Variants in ITGB5 observed in about 807,000 individuals in gnomAD.
ITGB5 encodes integrin subunit beta 5.
In ITGB5, 38 loss-of-function variants were observed where a neutral mutation model predicts 84.8. The ratio of observed to expected loss-of-function variants is 0.45; its 90% CI spans 0.35 to 0.59. The LOEUF is 0.59. Among genes scored for constraint, ITGB5 ranks in the 20% least tolerant of loss-of-function variants. The pLI is 0.01. For missense variants in ITGB5, 905 were observed against 1,034.5 expected (o/e 0.87, Z 1.72); for synonymous variants, 393 against 414.4 (o/e 0.95, Z 0.63).
rs140680675 is a variant in ITGB5, at chr3:124,829,502, G to A, written c.781-8028C>T. On this transcript the variant is annotated intron_variant, in intron 5 of 14. Transcript: ENST00000296181. ...TGCTTCCACACTCATGCGAGGGAACGACCTCACTTGTTTCGTCACCCACAG... is the reference window on the plus strand; with the variant it reads ...TGCTTCCACACTCATGCGAGGGAACAACCTCACTTGTTTCGTCACCCACAG... Among the ~76,000 whole-genome samples, 332 of 152,248 alleles carry A rather than the reference G, an allele frequency of 2.2e-3. 1 individual carries two copies. The highest frequency in any genetic ancestry group is 3.9e-3 in the Non-Finnish European group (268 of 68,024).
intron 1 of ITGB5, among the ~76,000 whole-genome samples, chr3:124,894,034 T>G (rs1935049903): frequency 6.6e-6 from 1 of 152,108 alleles, no homozygotes; most frequent in Non-Finnish European, 1.5e-5. Context: ...TGAAAATACT[T>G]TTTAATTATA....
intron 2 of ITGB5, among the ~76,000 whole-genome samples, chr3:124,860,201 A>G (rs1321285109): frequency 6.6e-6 from 1 of 152,208 alleles, no homozygotes; most frequent in Non-Finnish European, 1.5e-5. Flanking sequence ...ATTACTTATA[A>G]TATAATCTTT....
intron 14 of ITGB5, 37 bp from the exon 15 acceptor site, chr3:124,763,755 G>A: frequency 8.1e-7 from 1 of 1,241,312 alleles, no homozygotes; most frequent in Non-Finnish European, 1.2e-6. Context: ...GAGGACACAT[G>A]TTAGCTCACA....
At chr3:124,863,837 G>C (rs1448119610) in intron 2 of ITGB5, among the ~76,000 whole-genome samples, 8 of 151,912 alleles carry the variant, frequency 5.3e-5, no homozygotes, top group African/African-American at 1.9e-4. Flanking sequence ...TTTGAACAAG[G>C]ATAGATGCAT....
intron 3 of ITGB5, among the ~76,000 whole-genome samples, chr3:124,852,381 C>T (rs2065169754): frequency 6.6e-6 from 1 of 151,976 alleles, no homozygotes; most frequent in African/African-American, 2.4e-5. Flanking sequence ...AAACTCAAAA[C>T]AGAAGCTGAT....
chr3:124,764,417 C>T lies in ITGB5; in HGVS notation c.2278G>A (p.Glu760Lys), dbSNP rs765257650. The change falls in exon 14 of 15, where the codon GAG (glutamate) becomes AAG (lysine). Residue 760 changes from glutamate to lysine, a missense_variant. Glu to Lys is a moderately conservative substitution (Grantham distance 56). Transcript: ENST00000296181. ...ATTTCATAGCGGGCCCTGGATCGCT[C>T]GCTCTGAAACTTTGCAAACTCCCTC... The part of the protein sequence containing the change: ...DRREFAKFQS[E>K]RSRARYEMAS... 39 of 1,612,666 alleles carry T rather than the reference C, an allele frequency of 2.4e-5. No individual in the cohort carries two copies. Among genetic ancestry groups the T allele is most frequent in the Middle Eastern group, 3.3e-4 (2 of 6,082 alleles).
At chr3:124,825,781 C>T (rs76986274) in intron 5 of ITGB5, among the ~76,000 whole-genome samples, 2,042 of 152,180 alleles carry the variant, frequency 0.013, 33 homozygotes, top group South Asian at 0.045. Context: ...AGACTTTATA[C>T]CTAAAAAGGG....
At chr3:124,763,875 T>C (rs1402733251) in intron 14 of ITGB5, among the ~76,000 whole-genome samples, 157 bp from the exon 15 acceptor site, 1 of 152,148 alleles carries the variant, frequency 6.6e-6, no homozygotes, top group Non-Finnish European at 1.5e-5. Context: ...AGGACAGCTC[T>C]GTGTTCCCCA....
chr3:124,889,628 T>C (rs1184827818), upstream of ITGB5, among the ~76,000 whole-genome samples: 1 of 152,212 alleles, frequency 6.6e-6, no homozygotes, highest in Non-Finnish European at 1.5e-5. Context: ...CCTAAACATT[T>C]TACAGGAGCT....
intron 1 of ITGB5, among the ~76,000 whole-genome samples, chr3:124,899,165 CTT>C (rs1388033791): frequency 6.6e-6 from 1 of 152,090 alleles, no homozygotes; most frequent in African/African-American, 2.4e-5. Flanking sequence ...CTAAGAGATG[CTT>C]TCAAATCTTA....
intron 1 of ITGB5, among the ~76,000 whole-genome samples, chr3:124,879,364 T>C (rs1308295623): frequency 2.6e-5 from 4 of 152,250 alleles, no homozygotes; most frequent in African/African-American, 9.6e-5. Context: ...GAAGCTGAAA[T>C]GGCCTTTCTG....
chr3:124,772,785 C>G (rs2063865266), intron 11 of ITGB5, among the ~76,000 whole-genome samples: 1 of 152,200 alleles, frequency 6.6e-6, no homozygotes, highest in Non-Finnish European at 1.5e-5. Flanking sequence ...TAGACAATCT[C>G]TGCATTCAGC....
intron 4 of ITGB5, among the ~76,000 whole-genome samples, chr3:124,846,425 C>CAA (rs1190656208): frequency 7.7e-4 from 54 of 69,852 alleles, no homozygotes; most frequent in African/African-American, 2.5e-3. Flanking sequence ...GTTGCACAAG[C>CAA]AAAAAAAAAA....
chr3:124,850,788 T>C (rs2107606621), intron 3 of ITGB5, among the ~76,000 whole-genome samples: 1 of 151,982 alleles, frequency 6.6e-6, no homozygotes, highest in African/African-American at 2.4e-5. Flanking sequence ...TCCAGGCTGC[T>C]GCAGTGTCTG....
At chr3:124,824,787 T>C (rs1291810050) in intron 5 of ITGB5, among the ~76,000 whole-genome samples, 18 of 152,140 alleles carry the variant, frequency 1.2e-4, no homozygotes, top group Admixed American at 1.2e-3. Flanking sequence ...ACAAAAGGGT[T>C]CTCAACATCA....
chr3:124,769,906 G>T (rs1300295422), intron 11 of ITGB5: 3 of 152,232 alleles, frequency 2.0e-5, no homozygotes, highest in Non-Finnish European at 4.4e-5. Flanking sequence ...GTGACACCTT[G>T]AGCCTCTCTC....
At chr3:124,798,999 G>A (rs2064276358) in intron 9 of ITGB5, among the ~76,000 whole-genome samples, 1 of 152,196 alleles carries the variant, frequency 6.6e-6, no homozygotes, top group Non-Finnish European at 1.5e-5. Context: ...CTCAACAGGA[G>A]AGGCTTCTGG....
rs1036318372 is a variant in ITGB5 at position 124,887,076 on chromosome 3, G to A, written c.-76C>T. The A allele has an allele frequency of 5.5e-5, 33 of 595,556 alleles. No homozygotes were observed. Among genetic ancestry groups the A allele is most frequent in the Non-Finnish European group, 5.9e-5 (28 of 474,908 alleles). 36.9% of individuals were successfully genotyped at this position (595,556 alleles called of 1,614,324 possible). ...CGGCGGCCGGGGCTGGGGCCGGAGC[G>A]CGGGGGCCGAGGGCCGGGGGCCGCA... is the stretch of plus-strand genomic sequence containing the variant. On this transcript the variant is annotated 5_prime_UTR_variant, in exon 1 of 15. Transcript: ENST00000296181.
chr3:124,853,457 C>A (rs780059138), intron 3 of ITGB5, among the ~76,000 whole-genome samples: 1 of 152,190 alleles, frequency 6.6e-6, no homozygotes, highest in Non-Finnish European at 1.5e-5. Flanking sequence ...AGGAACAAGT[C>A]ACCTGAAGAC....
Sources: gnomAD v4.1 joint callset for allele counts (sites outside exome capture counted in the v4.1 genomes callset) on GRCh38, gnomAD v4.1.1 for gene constraint, MANE v1.5 for transcripts, NCBI Gene and HGNC (gene_info 2026-07-23, HGNC 2026-07-21) for gene names.